Variants in RANBP2 observed in about 807,000 individuals in gnomAD.
RANBP2 encodes RAN binding protein 2.
RANBP2 carries 57 observed loss-of-function variants against 303.6 expected under a neutral mutation model. The ratio of observed to expected loss-of-function variants is 0.19; its 90% CI spans 0.15 to 0.23. RANBP2 has a LOEUF of 0.23. RANBP2 is among the 10% of genes least tolerant of loss of function. The pLI is 1.00. For missense variants in RANBP2, 3,138 were observed against 3,780.8 expected, an observed-to-expected ratio of 0.83 and a Z score of 4.46; for synonymous variants, 1,167 against 1,301.5, an observed-to-expected ratio of 0.90 and a Z score of 2.23.
the RANBP2 span, among the ~76,000 whole-genome samples, chr2:109,428,390 G>C: frequency 6.6e-6 from 1 of 152,238 alleles, no homozygotes. Context: ...GTAAGCGAAG[G>C]CTGTGCTGTT....
At chr2:109,329,244 C>G in the RANBP2 span, among the ~76,000 whole-genome samples, 1 of 152,254 alleles carries the variant, frequency 6.6e-6, no homozygotes, top group Admixed American at 6.5e-5. Context: ...TGACCAGACC[C>G]CATGAAGCCT....
rs1252366152 is a variant in RANBP2 at position 108,719,571 on chromosome 2, G to A, written c.-36G>A. On this transcript the variant is annotated 5_prime_UTR_variant, in exon 1 of 29. Transcript: ENST00000283195. Reference sequence around the variant, plus strand: ...GGCGACTGCTGCGGGCCTGAGCGCTGGTCTCACGCGCCTCGGGAGCCAGGT... The same window carrying A: ...GGCGACTGCTGCGGGCCTGAGCGCTAGTCTCACGCGCCTCGGGAGCCAGGT... The A allele has an allele frequency of 6.3e-7, 1 of 1,587,292 alleles. No individual in the cohort carries two copies. The highest frequency in any genetic ancestry group is 8.6e-7 in the Non-Finnish European group (1 of 1,168,710).
chr2:109,106,934 CTT>C, the RANBP2 span, among the ~76,000 whole-genome samples: 64 of 133,660 alleles, frequency 4.8e-4, no homozygotes, highest in Middle Eastern at 4.1e-3. Context: ...GGGCCTTCTC[CTT>C]TTTTTTTTTT....
At chr2:109,718,735 T>A in the RANBP2 span, among the ~76,000 whole-genome samples, 8 of 152,018 alleles carry the variant, frequency 5.3e-5, no homozygotes, top group Non-Finnish European at 1.5e-5. Context: ...ATCTCAGCAC[T>A]TTGGGAGGTC....
At chr2:109,351,476 A>G in the RANBP2 span, among the ~76,000 whole-genome samples, 3 of 152,292 alleles carry the variant, frequency 2.0e-5, no homozygotes, top group East Asian at 5.8e-4. Flanking sequence ...CTAACTCTAT[A>G]TTGTCTTACT....
At chr2:108,778,888 C>G (rs1286244922) in intron 25 of RANBP2, among the ~76,000 whole-genome samples, 3 of 152,110 alleles carry the variant, frequency 2.0e-5, no homozygotes, top group Non-Finnish European at 2.9e-5. Flanking sequence ...ACCACCATGC[C>G]TAGCTAATTT....
the RANBP2 span, among the ~76,000 whole-genome samples, chr2:109,627,751 A>G: frequency 3.9e-5 from 6 of 152,258 alleles, no homozygotes; most frequent in African/African-American, 1.2e-4. Context: ...AAATGGAATT[A>G]TGAAGTACAT....
chr2:109,408,800 A>G, the RANBP2 span, among the ~76,000 whole-genome samples: 1 of 152,208 alleles, frequency 6.6e-6, no homozygotes, highest in South Asian at 2.1e-4. Flanking sequence ...GTGGATGAAT[A>G]TTGTGCCTTT....
the RANBP2 span, among the ~76,000 whole-genome samples, chr2:108,852,942 A>T: frequency 6.6e-6 from 1 of 152,176 alleles, no homozygotes; most frequent in East Asian, 1.9e-4. Flanking sequence ...AGCAAATATA[A>T]TGTGTCACTG....
the RANBP2 span, among the ~76,000 whole-genome samples, chr2:108,862,398 A>G: frequency 0.92 from 139,686 of 152,206 alleles, 64,170 homozygotes; most frequent in East Asian, 1. Flanking sequence ...GTGTCAGTGG[A>G]CCTAACTCCA....
the RANBP2 span, among the ~76,000 whole-genome samples, chr2:109,558,641 C>T: frequency 7.2e-5 from 11 of 152,084 alleles, no homozygotes; most frequent in African/African-American, 2.4e-4. Context: ...GCGATTGGTG[C>T]TGGTAGATTA....
the RANBP2 span, among the ~76,000 whole-genome samples, chr2:109,184,083 T>A: frequency 1.2e-3 from 190 of 152,340 alleles, 5 homozygotes; most frequent in South Asian, 0.037. Flanking sequence ...ACGTGGGGTG[T>A]TGAGCCCATG....
chr2:109,530,072 A>T, the RANBP2 span, among the ~76,000 whole-genome samples: 1 of 152,208 alleles, frequency 6.6e-6, no homozygotes, highest in African/African-American at 2.4e-5. Flanking sequence ...GACAGTTCTT[A>T]AAAAAGAAAT....
the RANBP2 span, among the ~76,000 whole-genome samples, chr2:109,473,003 T>G: frequency 2.0e-5 from 3 of 152,302 alleles, no homozygotes; most frequent in African/African-American, 4.8e-5. Context: ...TTTCCTACCT[T>G]AGTGAAAAGA....
At chr2:108,853,953 A>T in the RANBP2 span, among the ~76,000 whole-genome samples, 3 of 120,796 alleles carry the variant, frequency 2.5e-5, no homozygotes, top group African/African-American at 9.6e-5. Flanking sequence ...ATATACAATA[A>T]ATATATATAA....
At chr2:109,061,513 G>A in the RANBP2 span, among the ~76,000 whole-genome samples, 1 of 152,124 alleles carries the variant, frequency 6.6e-6, no homozygotes, top group Non-Finnish European at 1.5e-5. Context: ...GGACTTGGAA[G>A]ACTTCAGGGA....
At chr2:109,012,901 G>A in the RANBP2 span, among the ~76,000 whole-genome samples, 11 of 152,256 alleles carry the variant, frequency 7.2e-5, no homozygotes, top group South Asian at 4.2e-4. Context: ...GCGACAGAGC[G>A]AGACTCCATC....
At chr2:109,560,812 C>T in the RANBP2 span, among the ~76,000 whole-genome samples, 17 of 152,170 alleles carry the variant, frequency 1.1e-4, no homozygotes, top group Admixed American at 2.6e-4. Flanking sequence ...GGAGACTAGG[C>T]GTCTCCTTCT....
chr2:109,434,228 G>A, the RANBP2 span, among the ~76,000 whole-genome samples: 1 of 152,230 alleles, frequency 6.6e-6, no homozygotes, highest in Non-Finnish European at 1.5e-5. Context: ...CCACACCTCT[G>A]GGCTCGCCCG....
Sources: gnomAD v4.1 joint callset for allele counts (sites outside exome capture counted in the v4.1 genomes callset) on GRCh38, gnomAD v4.1.1 for gene constraint, MANE v1.5 for transcripts, NCBI Gene and HGNC (gene_info 2026-07-23, HGNC 2026-07-21) for gene names.